Variants in OTOG observed in about 807,000 individuals in gnomAD.
OTOG encodes the protein otogelin.
In OTOG, 296 loss-of-function variants were observed where a neutral mutation model predicts 313.8. That is an observed-to-expected ratio of 0.94 (90% CI 0.86 to 1.04). The LOEUF (loss-of-function observed/expected upper bound fraction) is 1.04, where lower values mean the gene tolerates loss of function less well. Among genes scored for constraint, OTOG ranks in the 50% least tolerant of loss-of-function variants. The pLI is 0.00. For synonymous variants in OTOG, 1,533 were observed against 1,554.9 expected (o/e 0.99, Z 0.33); for missense variants, 3,948 against 3,840.1 (o/e 1.03, Z -0.74).
At chr11:17,602,917 G>A (rs1054158203) in intron 32 of OTOG, among the ~76,000 whole-genome samples, 1 of 152,238 alleles carries the variant, frequency 6.6e-6, no homozygotes, top group African/African-American at 2.4e-5. Flanking sequence ...ACGGGGGAGG[G>A]GGCCCCCAAC....
chr11:17,572,137 A>G lies in OTOG; in HGVS notation c.2013A>G (p.Thr671=), dbSNP rs1436183217. The G allele has an allele frequency of 6.5e-7, 1 of 1,550,316 alleles. No individual in the cohort carries two copies. Among genetic ancestry groups the G allele is most frequent in the Non-Finnish European group, 8.7e-7 (1 of 1,146,956 alleles). ...TPQLFGNSWK[T]LSACSPLVSG... ...AACTTTTTGGCAATTCCTGGAAAAC[A>G]CTTTCTGCTTGCTCCCCGCTGGTCT... Residue 671 remains threonine (T), a synonymous_variant, in exon 18 of 56, where the codon ACA becomes ACG. Transcript: ENST00000399397.
chr11:17,644,491 A>G (rs974745617), intron 54 of OTOG, among the ~76,000 whole-genome samples: 1 of 152,210 alleles, frequency 6.6e-6, no homozygotes, highest in African/African-American at 2.4e-5. Context: ...AGCGCCAACT[A>G]TGTGCCAGAC....
chr11:17,582,295 C>CAT (rs1852688187), intron 23 of OTOG, among the ~76,000 whole-genome samples: 1 of 152,064 alleles, frequency 6.6e-6, no homozygotes, highest in Admixed American at 6.6e-5. Context: ...TAAAAAGATC[C>CAT]ATATATATAC....
chr11:17,587,250 G>A (rs981926774), intron 24 of OTOG, among the ~76,000 whole-genome samples: 1 of 152,196 alleles, frequency 6.6e-6, no homozygotes, highest in Admixed American at 6.5e-5. Flanking sequence ...CCCCTGGATT[G>A]GATTCTGTGG....
At chr11:17,640,331 G>A (rs1256069136) in intron 49 of OTOG, among the ~76,000 whole-genome samples, 3 of 152,200 alleles carry the variant, frequency 2.0e-5, no homozygotes, top group African/African-American at 7.2e-5. Context: ...TAGCCACCAG[G>A]CTGCATGGCC....
At chr11:17,607,376 A>G (rs1853415585) in intron 33 of OTOG, among the ~76,000 whole-genome samples, 1 of 152,186 alleles carries the variant, frequency 6.6e-6, no homozygotes, top group Non-Finnish European at 1.5e-5. Context: ...CCTGGGGTCT[A>G]CTTGTCTGCC....
In OTOG at chr11:17,602,246, C is replaced by T; in HGVS notation, c.3746C>T (p.Ala1249Val). ...GKGPYQLSSLAAGGALVGMKA... is the reference protein window; with the variant it reads ...GKGPYQLSSLVAGGALVGMKA... ...GGCCCCTATCAGCTATCCAGCTTGGCAGCCGGTGGTGCTCTGGTGGGCATG... is the reference window on the plus strand; with the variant it reads ...GGCCCCTATCAGCTATCCAGCTTGGTAGCCGGTGGTGCTCTGGTGGGCATG... Residue 1249 changes from alanine to valine, a missense_variant, in exon 32 of 56, where the codon GCA (alanine) becomes GTA (valine). By Grantham distance (64) the Ala-to-Val change is moderately conservative (BLOSUM62 0). Transcript: ENST00000399397. 6.4e-7 allele frequency: 1 copy of T among 1,550,586 alleles called. No homozygotes were observed. Among genetic ancestry groups the T allele is most frequent in the South Asian group, 1.2e-5 (1 of 84,062 alleles).
At chr11:17,628,983 C>G in intron 39 of OTOG, 150 bp from the exon 40 acceptor site, 1 of 714,908 alleles carries the variant, frequency 1.4e-6, no homozygotes, top group Non-Finnish European at 2.2e-6. Context: ...GTGCCTGAAA[C>G]AGAGCCTGGC....
rs756129872 is a variant in OTOG at position 17,560,735 on chromosome 11, G to A, written c.1369G>A (p.Val457Met). Residue 457 changes from valine to methionine, a missense_variant, in exon 13 of 56, where the codon GTG (valine) becomes ATG (methionine). Val to Met is a conservative substitution (Grantham distance 21). Transcript: ENST00000399397. ...GCTCATCTTCGAGGATGGGGGCTGC[G>A]TGGCACCAGCTGAGTGTCCCTGTGA... ...NGLIFEDGGC[V>M]APAECPCEFH... 123 of 1,550,650 alleles carry A rather than the reference G, an allele frequency of 7.9e-5. No homozygotes were observed. The African/African-American group carries it at 1.3e-3, about 17-fold the overall frequency.
chr11:17,645,965 C>G lies in OTOG; in HGVS notation c.*21C>G, dbSNP rs962096138. ...CCTGAGGCCTGGGGGCCCGGGCTAGCTGGACCACCTCTGCCAGCCCCACTT... is the reference window on the plus strand; with the variant it reads ...CCTGAGGCCTGGGGGCCCGGGCTAGGTGGACCACCTCTGCCAGCCCCACTT... On this transcript the variant is annotated 3_prime_UTR_variant, in exon 56 of 56. Coordinates refer to ENST00000399397, the MANE Select transcript of OTOG (RefSeq NM_001292063.2). 2.3e-5 allele frequency: 36 copies of G among 1,544,436 alleles called. No individual in the cohort carries two copies. The highest frequency in any genetic ancestry group is 3.1e-5 in the Non-Finnish European group (35 of 1,145,726).
At chr11:17,643,929 C>T (rs974085330) in intron 54 of OTOG, among the ~76,000 whole-genome samples, 4 of 152,340 alleles carry the variant, frequency 2.6e-5, no homozygotes, top group South Asian at 4.1e-4. Flanking sequence ...TGACAGTCCC[C>T]GTTAGTCCCG....
chr11:17,610,381 G>C lies in OTOG; in HGVS notation c.5081G>C (p.Ser1694Thr), dbSNP rs1253138768. The C allele has an allele frequency of 6.4e-7, 1 of 1,550,582 alleles. No individual in the cohort carries two copies. Among genetic ancestry groups the C allele is most frequent in the Admixed American group, 2.0e-5 (1 of 51,000 alleles). ...CAGGCCCAGAGTGCTTCAAGTCCCA[G>C]CACCCCTCTAACTGTGGCTGGAACA... is the stretch of plus-strand genomic sequence containing the variant. ...PTQAQSASSPSTPLTVAGTAA... is the reference protein window; with the variant it reads ...PTQAQSASSPTTPLTVAGTAA... The change falls in exon 36 of 56, where the codon AGC becomes ACC. Residue 1694 changes from serine to threonine, a missense_variant. By Grantham distance (58) the Ser-to-Thr change is moderately conservative (BLOSUM62 1). Transcript: ENST00000399397.
At chr11:17,638,292 G>C (rs933885069) in intron 47 of OTOG, among the ~76,000 whole-genome samples, 159 bp from the exon 48 acceptor site, 8 of 152,208 alleles carry the variant, frequency 5.3e-5, no homozygotes, top group Non-Finnish European at 5.9e-5. Context: ...TCCCTGGGGA[G>C]ACTTCGGGTG....
At chr11:17,599,730 G>A (rs1853199519) in intron 31 of OTOG, 33 bp downstream of exon 31, 1 of 1,548,716 alleles carries the variant, frequency 6.5e-7, no homozygotes, top group Non-Finnish European at 8.7e-7. Flanking sequence ...GAGTCTCAGG[G>A]GCTCAGGCAC....
chr11:17,547,343 G>A lies in OTOG; in HGVS notation c.-30G>A, dbSNP rs1329022671. ...AGGCACCTCGGGAGGCTGGCCCTGC[G>A]CTCAAGTCCTCCGGTCCCCTCGTGT... On this transcript the variant is annotated 5_prime_UTR_variant, in exon 1 of 56. Coordinates refer to ENST00000399397, the MANE Select transcript of OTOG (RefSeq NM_001292063.2). 2 of 1,324,012 alleles carry A rather than the reference G, an allele frequency of 1.5e-6. No individual in the cohort carries two copies. Among genetic ancestry groups the A allele is most frequent in the South Asian group, 2.1e-5 (1 of 47,264 alleles). 82.0% of individuals were successfully genotyped at this position (1,324,012 alleles called of 1,614,324 possible).
chr11:17,610,035 C>G lies in OTOG; in HGVS notation c.4735C>G (p.Pro1579Ala). ...SLPVALQTPT[P>A]GMVSGAMETT... ...CCCTGTTGCACTGCAGACACCCACA[C>G]CTGGCATGGTGTCAGGTGCCATGGA... The change falls in exon 36 of 56, where the codon CCT becomes GCT. Residue 1579 changes from proline to alanine, a missense_variant. Transcript: ENST00000399397. 6.5e-7 allele frequency: 1 copy of G among 1,549,392 alleles called. No homozygotes were observed. Among genetic ancestry groups the G allele is most frequent in the South Asian group, 1.2e-5 (1 of 83,946 alleles).
intron 39 of OTOG, among the ~76,000 whole-genome samples, chr11:17,624,082 A>T (rs1853925908): frequency 6.6e-6 from 1 of 152,052 alleles, no homozygotes; most frequent in African/African-American, 2.4e-5. Flanking sequence ...AGTTTGCAAA[A>T]ATTTTTCCCA....
chr11:17,604,518 G>T (rs1015075832), intron 32 of OTOG, among the ~76,000 whole-genome samples: 2 of 152,202 alleles, frequency 1.3e-5, no homozygotes, highest in African/African-American at 4.8e-5. Flanking sequence ...CCTGCATCCA[G>T]CCCTGCCTCC....
At chr11:17,559,295 G>A in intron 11 of OTOG, 134 bp downstream of exon 11, 1 of 947,826 alleles carries the variant, frequency 1.1e-6, no homozygotes, top group South Asian at 1.7e-5. Flanking sequence ...ATCGCCATGA[G>A]AAAGACGAAA....
Sources: allele counts gnomAD v4.1 joint callset (sites outside exome capture counted in the v4.1 genomes callset), GRCh38; gene constraint gnomAD v4.1.1; transcripts MANE v1.5; gene names NCBI Gene and HGNC (gene_info 2026-07-23, HGNC 2026-07-21).